Variants in GLCE observed in about 807,000 individuals in gnomAD.
GLCE encodes glucuronic acid epimerase, also known as D-glucuronyl C5-epimerase.
A neutral mutation model predicts 47.9 loss-of-function variants in GLCE; 19 were observed. That is an observed-to-expected ratio of 0.40 (90% CI 0.28 to 0.58). The LOEUF (loss-of-function observed/expected upper bound fraction) is 0.58. Ranked by LOEUF, GLCE falls within the 20% of genes least tolerant of loss-of-function variation. The pLI, the probability that GLCE is intolerant of heterozygous loss-of-function variation, is 0.48. For missense variants in GLCE, 556 were observed against 743.3 expected, an observed-to-expected ratio of 0.75 and a Z score of 2.93; for synonymous variants, 245 against 263.4, an observed-to-expected ratio of 0.93 and a Z score of 0.68.
chr15:69,229,816 A>G (rs2052497044), intron 2 of GLCE, among the ~76,000 whole-genome samples: 1 of 152,146 alleles, frequency 6.6e-6, no homozygotes, highest in Non-Finnish European at 1.5e-5. Flanking sequence ...TGGTCTAAAT[A>G]CCATTAAAAA....
chr15:69,212,426 A>G lies in GLCE; in HGVS notation c.-14+2020A>G, dbSNP rs189458709. Among the ~76,000 whole-genome samples the G allele has an allele frequency of 4.5e-3, 679 of 152,116 alleles. 4 individuals carry two copies. Among genetic ancestry groups the G allele is most frequent in the Admixed American group, 7.1e-3 (109 of 15,262 alleles). ...TCTTTCATATAATCTTAGATTATTT[A>G]GATTTTTCTAACAGCATAAAATATT... On this transcript the variant is annotated intron_variant, in intron 2 of 4. Transcript: ENST00000261858.
At position 69,232,452 on chromosome 15, in the gene GLCE, C is replaced by CGTGT. The variant is rs35924437; in HGVS notation, c.-14+22057_-14+22060dup. On this transcript the variant is annotated intron_variant, in intron 2 of 4. Transcript: ENST00000261858. ...ATGGGATTGATATGACTACATGAAT[C>CGTGT]GTGTGTGTGTGTGTATGTATGTATA... 4.6e-4 allele frequency among the ~76,000 whole-genome samples: 70 copies of CGTGT among 150,892 alleles called. 1 individual carries two copies. In the South Asian group the frequency reaches 8.2e-3, roughly 18 times the overall value.
At chr15:69,218,149 CAA>C (rs773040702) in intron 2 of GLCE, among the ~76,000 whole-genome samples, 75 of 54,600 alleles carry the variant, frequency 1.4e-3, no homozygotes, top group African/African-American at 4.6e-3. Flanking sequence ...GAGACTGTCT[CAA>C]AAAAAAAAAA....
intron 2 of GLCE, among the ~76,000 whole-genome samples, chr15:69,218,794 C>T (rs12101761): frequency 0.13 from 20,284 of 152,040 alleles, 1,432 homozygotes; most frequent in African/African-American, 0.17. Context: ...ATAATTGTTT[C>T]CTTAGAAACA....
intron 1 of GLCE, among the ~76,000 whole-genome samples, chr15:69,162,302 G>GTA (rs1447277171): frequency 6.6e-6 from 1 of 150,646 alleles, no homozygotes; most frequent in East Asian, 2.0e-4. Flanking sequence ...TGACTTGTAT[G>GTA]TATGTGTATT....
At chr15:69,161,091 G>A (rs1012120110) in intron 1 of GLCE, among the ~76,000 whole-genome samples, 3 of 152,264 alleles carry the variant, frequency 2.0e-5, no homozygotes, top group South Asian at 2.1e-4. Flanking sequence ...AGATTTATCA[G>A]GGTCTTGAGC....
chr15:69,161,933 A>G lies in GLCE; in HGVS notation c.-105+1176A>G, dbSNP rs960332823. On this transcript the variant is annotated intron_variant, in intron 1 of 4. Transcript: ENST00000261858. ...AAGACTGATTTTGGCTTGCTTTCCT[A>G]GGTGGTGGTCTGCTTTGCTCATCCT... 2.6e-5 allele frequency among the ~76,000 whole-genome samples: 4 copies of G among 152,064 alleles called. No homozygotes were observed. In the East Asian group the frequency reaches 7.8e-4, roughly 29 times the overall value.
intron 2 of GLCE, among the ~76,000 whole-genome samples, chr15:69,215,853 A>T (rs960433111): frequency 1.3e-5 from 2 of 151,904 alleles, no homozygotes; most frequent in African/African-American, 4.8e-5. Context: ...GCACCTTTTT[A>T]TATGTCATCC....
intron 2 of GLCE, among the ~76,000 whole-genome samples, chr15:69,245,093 AG>A (rs1366676454): frequency 6.6e-6 from 1 of 152,144 alleles, no homozygotes; most frequent in Non-Finnish European, 1.5e-5. Context: ...GCACTTTGGG[AG>A]GCCAAGGTGG....
chr15:69,236,940 C>G (rs948636906), intron 2 of GLCE, among the ~76,000 whole-genome samples: 1 of 152,104 alleles, frequency 6.6e-6, no homozygotes, highest in Non-Finnish European at 1.5e-5. Flanking sequence ...CTCTACCCCC[C>G]TTTTTATAAA....
At chr15:69,205,820 A>G (rs2052143434) in intron 1 of GLCE, among the ~76,000 whole-genome samples, 1 of 152,122 alleles carries the variant, frequency 6.6e-6, no homozygotes, top group African/African-American at 2.4e-5. Context: ...TTTGACCATT[A>G]AAAACAACCT....
intron 2 of GLCE, among the ~76,000 whole-genome samples, chr15:69,216,641 C>CATATATATATA (rs1415024097): frequency 4.6e-5 from 7 of 152,032 alleles, no homozygotes; most frequent in Non-Finnish European, 7.4e-5. Flanking sequence ...TATTTGTTTG[C>CATATATATATA]TGTATAACAA....
intron 2 of GLCE, among the ~76,000 whole-genome samples, chr15:69,225,192 C>A (rs2052429334): frequency 6.7e-6 from 1 of 150,128 alleles, no homozygotes; most frequent in South Asian, 2.1e-4. Context: ...TTCTTTTTTG[C>A]AGGGCAGAGG....
At chr15:69,236,370 T>C (rs2052594452) in intron 2 of GLCE, among the ~76,000 whole-genome samples, 1 of 152,214 alleles carries the variant, frequency 6.6e-6, no homozygotes, top group African/African-American at 2.4e-5. Flanking sequence ...GAGCCCTTTG[T>C]TAGAAATTGG....
In GLCE at chr15:69,256,503, A is replaced by G. The variant is rs1453664878; in HGVS notation, c.586+111A>G. 4 of 768,942 alleles carry G rather than the reference A, an allele frequency of 5.2e-6. No individual in the cohort carries two copies. The East Asian group carries it at 7.5e-5, about 14-fold the overall frequency. The allele number at this position is 768,942 out of a possible 1,614,324, so 47.6% of individuals were successfully genotyped here. A position where few individuals can be genotyped will look rare whatever the true frequency, so the allele number is the denominator to read the frequency against. ...ATAGCTTACTGTCAAAAGACCTTTC[A>G]TCACTCTAATTTAGCAGGGAGGAAC... On this transcript the variant is annotated intron_variant, in intron 3 of 4. Transcript: ENST00000261858.
At chr15:69,203,801 C>A (rs2052110120) in intron 1 of GLCE, among the ~76,000 whole-genome samples, 1 of 151,840 alleles carries the variant, frequency 6.6e-6, no homozygotes, top group Non-Finnish European at 1.5e-5. Context: ...TTAAAAAAAA[C>A]CCTCATATTC....
rs1320137005 is a variant in GLCE at position 69,269,976 on chromosome 15, G to T, written c.*732G>T. The stretch of plus-strand genomic sequence containing the variant: ...CTTGATCTACAATCAGTAAAAGTTT[G>T]ATAATCAGTATATCCCTTCCCAACC... On this transcript the variant is annotated 3_prime_UTR_variant, in exon 5 of 5. Coordinates refer to ENST00000261858, the MANE Select transcript of GLCE (RefSeq NM_015554.3). 6.6e-6 allele frequency: 1 copy of T among 152,590 alleles called. No individual in the cohort carries two copies. Among genetic ancestry groups the T allele is most frequent in the Admixed American group, 6.5e-5 (1 of 15,278 alleles). 9.5% of individuals were successfully genotyped at this position (152,590 alleles called of 1,614,324 possible).
intron 2 of GLCE, among the ~76,000 whole-genome samples, chr15:69,241,473 TG>T (rs1256190725): frequency 6.6e-6 from 1 of 152,210 alleles, no homozygotes; most frequent in African/African-American, 2.4e-5. Context: ...CTTGAATCAC[TG>T]CTTTGTAAAT....
chr15:69,213,690 A>G (rs895375156), intron 2 of GLCE, among the ~76,000 whole-genome samples: 10 of 152,262 alleles, frequency 6.6e-5, no homozygotes, highest in Middle Eastern at 6.8e-3. Context: ...CTTCAAAAAT[A>G]TCTTGTTTTT....
Sources: allele counts gnomAD v4.1 joint callset (sites outside exome capture counted in the v4.1 genomes callset), GRCh38; gene constraint gnomAD v4.1.1; transcripts MANE v1.5; gene names NCBI Gene and HGNC (gene_info 2026-07-23, HGNC 2026-07-21).